Variants in PRELID2 observed in about 807,000 individuals in gnomAD.
PRELID2 encodes PRELI domain containing 2.
Under a neutral mutation model 28.4 loss-of-function variants are expected in PRELID2, and 25 were observed. The observed-to-expected ratio is 0.88, with a 90% CI of 0.64 to 1.23. PRELID2 has a LOEUF of 1.23. Among genes scored for constraint, PRELID2 ranks in the 50% most tolerant of loss-of-function variants. PRELID2 has a pLI of 0.00. For missense variants in PRELID2, 201 were observed against 214.4 expected (o/e 0.94, Z 0.39); for synonymous variants, 76 against 71.6 (o/e 1.06, Z -0.31).
intron 1 of PRELID2, among the ~76,000 whole-genome samples, chr5:145,531,981 C>G (rs1432973019): frequency 1.3e-5 from 2 of 152,254 alleles, no homozygotes; most frequent in East Asian, 3.9e-4. Context: ...CTAATAGAAA[C>G]TATCACACAG....
intron 5 of PRELID2, among the ~76,000 whole-genome samples, chr5:145,785,461 G>T (rs1232921264): frequency 6.6e-6 from 1 of 152,188 alleles, no homozygotes; most frequent in Non-Finnish European, 1.5e-5. Flanking sequence ...TTCAGCACAT[G>T]ATGTATACTA....
chr5:145,298,768 A>C, the PRELID2 span, among the ~76,000 whole-genome samples: 1 of 152,182 alleles, frequency 6.6e-6, no homozygotes, highest in African/African-American at 2.4e-5. Flanking sequence ...GGCATGCTAC[A>C]GCAACACAAA....
At chr5:145,783,836 C>T (rs910216710) in intron 5 of PRELID2, among the ~76,000 whole-genome samples, 14 of 152,176 alleles carry the variant, frequency 9.2e-5, no homozygotes, top group African/African-American at 2.9e-4. Flanking sequence ...GTTTTATGCT[C>T]TTTTCCTCTG....
At chr5:145,761,002 C>T (rs1294465671) in intron 6 of PRELID2, among the ~76,000 whole-genome samples, 1 of 152,168 alleles carries the variant, frequency 6.6e-6, no homozygotes, top group African/African-American at 2.4e-5. Flanking sequence ...ACCTTCTAAG[C>T]TTTCTCATTT....
intron 1 of PRELID2, among the ~76,000 whole-genome samples, chr5:145,717,037 A>C (rs765066576): frequency 6.6e-6 from 1 of 152,206 alleles, no homozygotes; most frequent in Non-Finnish European, 1.5e-5. Flanking sequence ...ACTGCTATTA[A>C]AAATAAGTAC....
the PRELID2 span, among the ~76,000 whole-genome samples, chr5:145,273,724 G>C: frequency 2.0e-5 from 3 of 152,248 alleles, no homozygotes; most frequent in South Asian, 6.2e-4. Context: ...TAATGTCATT[G>C]TCACCAGTAC....
the PRELID2 span, among the ~76,000 whole-genome samples, chr5:145,335,127 A>G: frequency 6.6e-6 from 1 of 151,950 alleles, no homozygotes; most frequent in East Asian, 1.9e-4. Context: ...ATGGTGTCCT[A>G]TAAATTCCAT....
rs938259879 is a variant in PRELID2 at position 145,735,598 on chromosome 5, A to T, written n.70+29333T>A. 7.0e-4 allele frequency among the ~76,000 whole-genome samples: 107 copies of T among 152,366 alleles called. 1 individual carries two copies. The highest frequency in any genetic ancestry group is 2.5e-3 in the African/African-American group (103 of 41,594). ...AAAGACATTTATCTTTGGTGTATTT[A>T]GCATTACATGACATTACTATGCAAT... On this transcript the variant is annotated intron_variant and non_coding_transcript_variant, in intron 1 of 2. Transcript: ENST00000510259.
chr5:145,438,382 A>G, the PRELID2 span, among the ~76,000 whole-genome samples: 11 of 152,106 alleles, frequency 7.2e-5, no homozygotes, highest in Admixed American at 7.2e-4. Context: ...AAACAACATG[A>G]CAAATCCTCT....
the PRELID2 span, among the ~76,000 whole-genome samples, chr5:145,411,803 T>C: frequency 2.0e-5 from 3 of 152,228 alleles, no homozygotes; most frequent in Non-Finnish European, 4.4e-5. Context: ...CCTGGACATC[T>C]AGACATTCCC....
chr5:145,308,393 G>A, the PRELID2 span, among the ~76,000 whole-genome samples: 2 of 152,170 alleles, frequency 1.3e-5, no homozygotes, highest in Non-Finnish European at 2.9e-5. Context: ...TCTGTAACGT[G>A]ATATTTTAAA....
intron 1 of PRELID2, among the ~76,000 whole-genome samples, chr5:145,564,263 G>A (rs899202299): frequency 2.6e-5 from 4 of 152,212 alleles, no homozygotes; most frequent in Non-Finnish European, 4.4e-5. Context: ...ACTGTTATTA[G>A]AATGAAATTC....
chr5:145,571,713 G>A (rs1753016391), intron 1 of PRELID2, among the ~76,000 whole-genome samples: 1 of 152,072 alleles, frequency 6.6e-6, no homozygotes, highest in African/African-American at 2.4e-5. Flanking sequence ...CAGGTGCGGT[G>A]GTTCACGCCT....
chr5:145,373,005 T>A, the PRELID2 span, among the ~76,000 whole-genome samples: 1 of 119,284 alleles, frequency 8.4e-6, no homozygotes, highest in Non-Finnish European at 1.6e-5. Flanking sequence ...ACAACATATA[T>A]AATATATATA....
At chr5:145,784,943 G>T (rs1392493210) in intron 5 of PRELID2, among the ~76,000 whole-genome samples, 1 of 151,784 alleles carries the variant, frequency 6.6e-6, no homozygotes, top group African/African-American at 2.4e-5. Flanking sequence ...AATTGAAAAT[G>T]AATATTTAGT....
chr5:145,795,671 C>T (rs1055529885), intron 5 of PRELID2: 5 of 151,970 alleles, frequency 3.3e-5, no homozygotes, highest in East Asian at 1.9e-4. Flanking sequence ...TAATTATCAT[C>T]GTAATTAATA....
intron 1 of PRELID2, among the ~76,000 whole-genome samples, chr5:145,491,564 ACT>A (rs1477678947): frequency 6.6e-6 from 1 of 150,828 alleles, no homozygotes; most frequent in Non-Finnish European, 1.5e-5. Flanking sequence ...CTTAACATAC[ACT>A]CTCTTAGTGC....
intron 1 of PRELID2, among the ~76,000 whole-genome samples, chr5:145,627,478 C>T (rs897533442): frequency 1.3e-5 from 2 of 152,120 alleles, no homozygotes; most frequent in South Asian, 4.1e-4. Context: ...CACTTACACC[C>T]TTAAATCCAT....
At chr5:145,365,665 G>A in the PRELID2 span, among the ~76,000 whole-genome samples, 1 of 151,850 alleles carries the variant, frequency 6.6e-6, no homozygotes, top group South Asian at 2.1e-4. Context: ...GAGTTATTCT[G>A]GTCTGGCAGA....
Sources: allele counts gnomAD v4.1 joint callset (sites outside exome capture counted in the v4.1 genomes callset), GRCh38; gene constraint gnomAD v4.1.1; transcripts MANE v1.5; gene names NCBI Gene and HGNC (gene_info 2026-07-23, HGNC 2026-07-21).